ROBO2: variants seen among roughly 807,000 people sequenced by gnomAD.
ROBO2 encodes the protein roundabout guidance receptor 2.
ROBO2 carries 53 observed loss-of-function variants against 160.8 expected under a neutral mutation model. That is an observed-to-expected ratio of 0.33 (90% CI 0.26 to 0.41). The LOEUF is 0.41. ROBO2 is among the 10% of genes least tolerant of loss of function. The pLI, the probability that ROBO2 is intolerant of heterozygous loss-of-function variation, is 1.00. For missense variants in ROBO2, 1,577 were observed against 1,722.4 expected (o/e 0.92, Z 1.49); for synonymous variants, 664 against 611.7 (o/e 1.09, Z -1.26).
At chr3:76,982,788 G>A (rs138232304) in intron 2 of ROBO2, among the ~76,000 whole-genome samples, 1,575 of 152,260 alleles carry the variant, frequency 0.01, 19 homozygotes, top group Non-Finnish European at 0.015. Context: ...TATTGAAAAT[G>A]ATATTAGGTG....
intron 2 of ROBO2, among the ~76,000 whole-genome samples, chr3:77,370,449 T>C (rs1267980006): frequency 2.6e-5 from 4 of 152,214 alleles, no homozygotes. Context: ...CCCTTCTTAG[T>C]TGCCACTCTC....
chr3:77,357,437 A>G (rs1247850758), intron 2 of ROBO2, among the ~76,000 whole-genome samples: 3 of 152,102 alleles, frequency 2.0e-5, no homozygotes, highest in Non-Finnish European at 2.9e-5. Context: ...ATGATGCAGC[A>G]AGAAGGTCCA....
intron 2 of ROBO2, among the ~76,000 whole-genome samples, chr3:76,940,820 C>A (rs1230612618): frequency 1.3e-5 from 2 of 152,132 alleles, no homozygotes; most frequent in Non-Finnish European, 2.9e-5. Flanking sequence ...GTGTGCCAAT[C>A]CTAAATTTAA....
chr3:76,440,165 A>G (rs2076859911), intron 2 of ROBO2, among the ~76,000 whole-genome samples: 1 of 152,124 alleles, frequency 6.6e-6, no homozygotes, highest in Non-Finnish European at 1.5e-5. Context: ...GAGAAATTCC[A>G]CTAAATAGCA....
chr3:76,502,120 T>C (rs1277705834), intron 2 of ROBO2, among the ~76,000 whole-genome samples: 1 of 148,404 alleles, frequency 6.7e-6, no homozygotes. Context: ...AATTATGTTT[T>C]GTGAAAGATA....
At chr3:77,372,611 G>A (rs1362442467) in intron 2 of ROBO2, among the ~76,000 whole-genome samples, 1 of 152,042 alleles carries the variant, frequency 6.6e-6, no homozygotes, top group Non-Finnish European at 1.5e-5. Flanking sequence ...TTGTAAGAAA[G>A]AGTATACTAT....
intron 2 of ROBO2, among the ~76,000 whole-genome samples, chr3:77,459,950 G>C (rs1218752317): frequency 6.8e-5 from 4 of 58,490 alleles, no homozygotes; most frequent in East Asian, 6.2e-4. Context: ...TGGAGTGGGT[G>C]GGGGGGTCCT....
At chr3:75,991,416 A>G (rs2065565030) in intron 2 of ROBO2, among the ~76,000 whole-genome samples, 1 of 152,088 alleles carries the variant, frequency 6.6e-6, no homozygotes, top group African/African-American at 2.4e-5. Context: ...AAGTCTCACA[A>G]GATCTGATGG....
intron 2 of ROBO2, among the ~76,000 whole-genome samples, chr3:75,939,063 G>A (rs1947921562): frequency 6.6e-6 from 1 of 152,006 alleles, no homozygotes; most frequent in South Asian, 2.1e-4. Context: ...CATCACAACT[G>A]TTTCTCTGTA....
At chr3:75,962,787 G>A (rs182258440) in intron 2 of ROBO2, among the ~76,000 whole-genome samples, 6 of 151,880 alleles carry the variant, frequency 4.0e-5, no homozygotes, top group Admixed American at 2.0e-4. Context: ...GTGAAAATAC[G>A]TGTGCTTTTA....
chr3:77,237,183 CTTTT>C (rs34992972), intron 2 of ROBO2, among the ~76,000 whole-genome samples: 2 of 107,114 alleles, frequency 1.9e-5, no homozygotes, highest in African/African-American at 7.0e-5. Flanking sequence ...CTTGACCTTT[CTTTT>C]TTTTTTTTTT....
At chr3:77,178,588 A>G (rs1476193046) in intron 2 of ROBO2, among the ~76,000 whole-genome samples, 1 of 152,124 alleles carries the variant, frequency 6.6e-6, no homozygotes, top group African/African-American at 2.4e-5. Context: ...CAAAGAGAAC[A>G]TTTTAAAAAA....
rs139843482 is a variant in ROBO2, at chr3:76,199,276, G to C, written c.109+261674G>C. Among the ~76,000 whole-genome samples, 952 of 152,226 alleles carry C rather than the reference G, an allele frequency of 6.3e-3. 6 individuals carry two copies. Among genetic ancestry groups the C allele is most frequent in the Non-Finnish European group, 0.01 (683 of 68,016 alleles). On this transcript the variant is annotated intron_variant, in intron 2 of 26. Transcript: ENST00000487694. The stretch of plus-strand genomic sequence containing the variant: ...GCTGGCTTTGAAGATGTAGGAAGGA[G>C]TCAAACCCCAGGAATGTCACAGCCT...
intron 2 of ROBO2, among the ~76,000 whole-genome samples, chr3:76,827,729 CATA>C (rs1305936659): frequency 6.6e-6 from 1 of 152,002 alleles, no homozygotes; most frequent in Non-Finnish European, 1.5e-5. Flanking sequence ...TGCATTATTA[CATA>C]ATATTTCAGA....
At chr3:77,636,729 T>G (rs1306357026) in intron 24 of ROBO2, among the ~76,000 whole-genome samples, 3 of 152,206 alleles carry the variant, frequency 2.0e-5, no homozygotes, top group African/African-American at 7.2e-5. Context: ...AGCTCAATAT[T>G]TTTATTTATA....
chr3:77,586,052 T>C (rs1232992761), intron 16 of ROBO2, among the ~76,000 whole-genome samples: 1 of 152,086 alleles, frequency 6.6e-6, no homozygotes, highest in Admixed American at 6.6e-5. Flanking sequence ...AAAGTTCCAT[T>C]AAGGAACCAT....
intron 2 of ROBO2, among the ~76,000 whole-genome samples, chr3:77,180,430 A>ATTTTTTTTTTTTTTTTTTTTTTTTTTT: frequency 8.9e-6 from 1 of 112,836 alleles, no homozygotes; most frequent in African/African-American, 3.0e-5. Context: ...ATATATATAT[A>ATTTTTTTTTTTTTTTTTTTTTTTTTTT]TGTATTTTTT....
intron 2 of ROBO2, among the ~76,000 whole-genome samples, chr3:76,397,123 G>C (rs1051581368): frequency 6.6e-6 from 1 of 152,088 alleles, no homozygotes; most frequent in East Asian, 1.9e-4. Context: ...TACCAAAACA[G>C]AGATATAGAT....
rs2084662534 is a variant in ROBO2, at chr3:77,481,313, CA to C, written c.667+95del. 13 of 1,012,010 alleles carry C rather than the reference CA, an allele frequency of 1.3e-5. No individual in the cohort carries two copies. In the South Asian group the frequency reaches 3.5e-4, roughly 27 times the overall value. 62.7% of individuals were successfully genotyped at this position (1,012,010 alleles called of 1,614,324 possible). A position where few individuals can be genotyped will look rare whatever the true frequency, so the allele number is the denominator to read the frequency against. On this transcript the variant is annotated intron_variant, in intron 4 of 25. Coordinates refer to ENST00000461745, the Ensembl canonical transcript of ROBO2. ...CATTAAAAACTGGGCCATATAAGGA[CA>C]GTTACTCATGACTCATGGTAAGCAG...
Sources: gnomAD v4.1 joint callset for allele counts (sites outside exome capture counted in the v4.1 genomes callset) on GRCh38, gnomAD v4.1.1 for gene constraint, MANE v1.5 for transcripts, NCBI Gene and HGNC (gene_info 2026-07-23, HGNC 2026-07-21) for gene names.